The following DTD1 variants were observed in gnomAD, a reference collection of about 807,000 sequenced individuals.
The protein encoded by DTD1 is D-aminoacyl-tRNA deacylase 1, also known as D-tyrosyl-tRNA deacylase 1 homolog.
In DTD1, 13 loss-of-function variants were observed where a neutral mutation model predicts 25.6. The ratio of observed to expected loss-of-function variants is 0.51; its 90% CI spans 0.33 to 0.81. The LOEUF (loss-of-function observed/expected upper bound fraction) is 0.81. Ranked by LOEUF, DTD1 falls within the 30% of genes least tolerant of loss-of-function variation. DTD1 has a pLI of 0.02. For synonymous variants in DTD1, 110 were observed against 103.6 expected (o/e 1.06, Z -0.37); for missense variants, 193 against 266.4 (o/e 0.72, Z 1.92).
chr20:18,588,860 A>T, intron 1 of DTD1: 1 of 985,264 alleles, frequency 1.0e-6, no homozygotes, highest in Non-Finnish European at 1.2e-6. Context: ...GTGTAGATAA[A>T]GTAGTCGTTT....
At chr20:18,665,505 T>C (rs2060928437) in intron 4 of DTD1, among the ~76,000 whole-genome samples, 1 of 152,216 alleles carries the variant, frequency 6.6e-6, no homozygotes, top group African/African-American at 2.4e-5. Flanking sequence ...TTTCTCTAGT[T>C]TGTGAGTTCC....
intron 4 of DTD1, among the ~76,000 whole-genome samples, chr20:18,636,096 T>C (rs914599936): frequency 5.3e-5 from 8 of 152,184 alleles, no homozygotes; most frequent in African/African-American, 1.9e-4. Context: ...TTCCTGTATA[T>C]GTGTTTTGGG....
At chr20:18,669,884 T>C (rs1313168041) in intron 4 of DTD1, among the ~76,000 whole-genome samples, 2 of 152,080 alleles carry the variant, frequency 1.3e-5, no homozygotes, top group Non-Finnish European at 2.9e-5. Flanking sequence ...CCAGTTCCAT[T>C]GGGGGTAAAG....
intron 4 of DTD1, among the ~76,000 whole-genome samples, chr20:18,708,194 ATT>A (rs1478760002): frequency 2.0e-4 from 12 of 58,604 alleles, no homozygotes; most frequent in African/African-American, 6.2e-4. Context: ...TTATATATAT[ATT>A]ATATATATAT....
At chr20:18,629,072 C>T (rs1481498333) in intron 4 of DTD1, among the ~76,000 whole-genome samples, 1 of 150,540 alleles carries the variant, frequency 6.6e-6, no homozygotes, top group Non-Finnish European at 1.5e-5. Flanking sequence ...TCTTGGCTCA[C>T]CGCAACCTCC....
At chr20:18,718,967 G>A (rs557864921) in intron 4 of DTD1, among the ~76,000 whole-genome samples, 2 of 152,304 alleles carry the variant, frequency 1.3e-5, no homozygotes, top group African/African-American at 4.8e-5. Flanking sequence ...CCTTCCTTGG[G>A]GGAGCATGGT....
intron 4 of DTD1, among the ~76,000 whole-genome samples, chr20:18,668,644 A>T (rs1361837282): frequency 6.6e-6 from 1 of 152,084 alleles, no homozygotes; most frequent in African/African-American, 2.4e-5. Flanking sequence ...TGAGCCCCCG[A>T]GTCATTACTG....
At chr20:18,756,649 A>G (rs971177926) in intron 5 of DTD1, among the ~76,000 whole-genome samples, 4 of 152,074 alleles carry the variant, frequency 2.6e-5, no homozygotes, top group Admixed American at 1.3e-4. Flanking sequence ...TGGTACCAGT[A>G]CCATGCTGTT....
At chr20:18,713,479 G>T (rs1188853589) in intron 4 of DTD1, among the ~76,000 whole-genome samples, 4 of 152,178 alleles carry the variant, frequency 2.6e-5, no homozygotes, top group African/African-American at 9.7e-5. Flanking sequence ...TGACAGGATG[G>T]TAGTGGCTGT....
intron 3 of DTD1, among the ~76,000 whole-genome samples, chr20:18,624,813 T>G (rs913411967): frequency 2.0e-5 from 3 of 152,178 alleles, no homozygotes; most frequent in African/African-American, 7.2e-5. Flanking sequence ...GCTACCTTAA[T>G]TGCCTTGAAT....
intron 4 of DTD1, among the ~76,000 whole-genome samples, chr20:18,667,121 G>C (rs1280797669): frequency 1.3e-5 from 2 of 152,156 alleles, no homozygotes; most frequent in African/African-American, 4.8e-5. Flanking sequence ...AGGGCTACGT[G>C]GTGGGGATGC....
Position 18,749,110 on chromosome 20 carries a change from G to A in DTD1, c.*19+4839G>A, listed in dbSNP as rs1461377934. Among the ~76,000 whole-genome samples, 1 of 152,190 alleles carries A rather than the reference G, an allele frequency of 6.6e-6. No individual in the cohort carries two copies. The highest frequency in any genetic ancestry group is 1.5e-5 in the Non-Finnish European group (1 of 68,032). On this transcript the variant is annotated intron_variant, in intron 5 of 5. Transcript: ENST00000377452. This position sits in a 1 kb window ranked among gnomAD's most constrained non-coding sequence, Gnocchi z 4.2. ...GGGAAGGAGCAGAGGGACAGATGGA[G>A]GGGAAGCTGAAGGCCCCTGGCATGT...
intron 5 of DTD1, among the ~76,000 whole-genome samples, chr20:18,750,594 C>A (rs1206920295): frequency 6.6e-6 from 1 of 152,186 alleles, no homozygotes; most frequent in Non-Finnish European, 1.5e-5. Context: ...ATTTCCAGGG[C>A]CTTGACATTT....
chr20:18,708,199 ATATATATTT>A (rs2061135213), intron 4 of DTD1, among the ~76,000 whole-genome samples: 1 of 28,660 alleles, frequency 3.5e-5, no homozygotes, highest in East Asian at 8.5e-4. Context: ...TATATATTAT[ATATATATTT>A]TATATATATA....
intron 4 of DTD1, among the ~76,000 whole-genome samples, chr20:18,724,854 G>T (rs564660646): frequency 7.6e-4 from 116 of 152,382 alleles, no homozygotes; most frequent in Non-Finnish European, 1.4e-3. Flanking sequence ...CAAGCTGTCA[G>T]CAACCTTCCT....
At chr20:18,641,366 G>C in intron 4 of DTD1, among the ~76,000 whole-genome samples, 1 of 152,208 alleles carries the variant, frequency 6.6e-6, no homozygotes, top group East Asian at 1.9e-4. Context: ...CCTAGGTACA[G>C]GTTGTGGATC....
intron 1 of DTD1, among the ~76,000 whole-genome samples, chr20:18,589,954 AG>A (rs1345684202): frequency 1.3e-5 from 2 of 152,178 alleles, no homozygotes; most frequent in Non-Finnish European, 2.9e-5. Context: ...CCACTTATGC[AG>A]GCCTTCTAGT....
chr20:18,731,638 A>T (rs1776901571), intron 4 of DTD1, among the ~76,000 whole-genome samples: 2 of 152,090 alleles, frequency 1.3e-5, no homozygotes, highest in Non-Finnish European at 1.5e-5. Context: ...TTAAAATTTG[A>T]CATTATTTTT....
Position 18,633,006 on chromosome 20 carries a change from A to G in DTD1, c.477+4773A>G, listed in dbSNP as rs553738725. ...GCCCAGCCTGTGCAGCCGGGGATAG[A>G]TTTTGGGCAACATAAACCTGAAAGG... On this transcript the variant is annotated intron_variant, in intron 4 of 5. Transcript: ENST00000377452. Among the ~76,000 whole-genome samples the G allele has an allele frequency of 4.6e-5, 7 of 152,282 alleles. No homozygotes were observed. In the South Asian group the frequency reaches 1.2e-3, roughly 27 times the overall value.
Sources: gnomAD v4.1 joint callset for allele counts (sites outside exome capture counted in the v4.1 genomes callset) on GRCh38, gnomAD v4.1.1 for gene constraint, Gnocchi (gnomAD v3.1) non-coding constraint, MANE v1.5 for transcripts, NCBI Gene and HGNC (gene_info 2026-07-23, HGNC 2026-07-21) for gene names.